PFKFB3: variants seen among roughly 807,000 people sequenced by gnomAD.
PFKFB3 encodes the protein 6-phosphofructo-2-kinase/fructose-2,6-bisphosphatase 3.
PFKFB3 carries 33 observed loss-of-function variants against 68.0 expected under a neutral mutation model. The observed-to-expected ratio is 0.49, with a 90% CI of 0.37 to 0.65. The LOEUF (loss-of-function observed/expected upper bound fraction) is 0.65, where lower values mean the gene tolerates loss of function less well. Ranked by LOEUF, PFKFB3 falls within the 30% of genes least tolerant of loss-of-function variation. PFKFB3 has a pLI of 0.00. For missense variants in PFKFB3, 586 were observed against 712.2 expected, an observed-to-expected ratio of 0.82 and a Z score of 2.02; for synonymous variants, 315 against 288.2, an observed-to-expected ratio of 1.09 and a Z score of -0.94.
rs993394734 is a variant in PFKFB3, at chr10:6,229,044, C to T, written c.1515+2679C>T. 1.4e-5 allele frequency: 7 copies of T among 490,268 alleles called. No homozygotes were observed. Among genetic ancestry groups the T allele is most frequent in the African/African-American group, 7.9e-5 (4 of 50,940 alleles). The allele number at this position is 490,268 out of a possible 1,614,324, so 30.4% of individuals were successfully genotyped here. On this transcript the variant is annotated intron_variant, in intron 14 of 14. Coordinates refer to ENST00000379775, the MANE Select transcript of PFKFB3 (RefSeq NM_004566.4). The surrounding 1 kb of genome is among the most constrained non-coding windows in gnomAD (Gnocchi z 4.3). ...CATGAAGTGTCATCCCCTTGCCCCC[C>T]CAAAAACACACCCGCCCCTTTATTT...
intron 1 of PFKFB3, among the ~76,000 whole-genome samples, chr10:6,162,651 T>G (rs895464983): frequency 6.6e-6 from 1 of 152,222 alleles, no homozygotes; most frequent in African/African-American, 2.4e-5. Flanking sequence ...TGACTGCATG[T>G]GTTAGAATCC....
At chr10:6,272,993 GA>G in the PFKFB3 span, among the ~76,000 whole-genome samples, 3 of 145,842 alleles carry the variant, frequency 2.1e-5, no homozygotes, top group African/African-American at 7.5e-5. Context: ...GTGGGGCTGA[GA>G]TTGCAGGCTT....
intron 14 of PFKFB3, among the ~76,000 whole-genome samples, chr10:6,230,120 A>G (rs1588542782): frequency 6.6e-6 from 1 of 152,156 alleles, no homozygotes; most frequent in East Asian, 1.9e-4. Flanking sequence ...GATCTTACCT[A>G]TCTCCAAGAT....
chr10:6,261,509 C>T, the PFKFB3 span, among the ~76,000 whole-genome samples: 1 of 152,194 alleles, frequency 6.6e-6, no homozygotes, highest in East Asian at 1.9e-4. Flanking sequence ...CAGGGAACTG[C>T]AGACACTGGG....
intron 1 of PFKFB3, among the ~76,000 whole-genome samples, chr10:6,172,207 C>G (rs1842336544): frequency 1.3e-5 from 2 of 152,224 alleles, no homozygotes; most frequent in Non-Finnish European, 2.9e-5. Context: ...CTTCTTGGTC[C>G]CATGGCTTCT....
At position 6,233,037 on chromosome 10, in the gene PFKFB3, C is replaced by T. The variant is rs751150752; in HGVS notation, c.*95C>T. On this transcript the variant is annotated 3_prime_UTR_variant, in exon 15 of 15. Transcript: ENST00000379775. ...CAAAACGTATCCTGAGGACTTCTTCCGGAGAGGGTGGGGTGGAGCAGCGGG... is the reference window on the plus strand; with the variant it reads ...CAAAACGTATCCTGAGGACTTCTTCTGGAGAGGGTGGGGTGGAGCAGCGGG... 3.6e-5 allele frequency: 35 copies of T among 974,220 alleles called. No individual in the cohort carries two copies. The highest frequency in any genetic ancestry group is 5.2e-5 in the Admixed American group (3 of 58,228). The allele number at this position is 974,220 out of a possible 1,614,324, so 60.3% of individuals were successfully genotyped here.
chr10:6,287,105 G>A, the PFKFB3 span, among the ~76,000 whole-genome samples: 1 of 151,966 alleles, frequency 6.6e-6, no homozygotes, highest in Non-Finnish European at 1.5e-5. Context: ...GTTTTGTTTT[G>A]TTTTGGAGCC....
At chr10:6,237,522 A>G (rs949317424), downstream of PFKFB3, among the ~76,000 whole-genome samples, 5 of 152,244 alleles carry the variant, frequency 3.3e-5, no homozygotes, top group Admixed American at 3.3e-4. Flanking sequence ...CAAAAATTCA[A>G]AGCCTTCTGT....
the PFKFB3 span, among the ~76,000 whole-genome samples, chr10:6,321,793 C>G: frequency 6.6e-6 from 1 of 152,162 alleles, no homozygotes; most frequent in African/African-American, 2.4e-5. Flanking sequence ...ACTGATGGCT[C>G]AACTCTATGT....
chr10:6,245,480 G>A (rs1453272798), intron 14 of PFKFB3, among the ~76,000 whole-genome samples: 2 of 151,676 alleles, frequency 1.3e-5, no homozygotes, highest in East Asian at 1.9e-4. Flanking sequence ...GCAGTGGTGC[G>A]ATCAGGGCTC....
intron 1 of PFKFB3, chr10:6,145,156 G>A (rs899268879): frequency 2.0e-5 from 11 of 556,820 alleles, no homozygotes; most frequent in African/African-American, 1.8e-4. Context: ...GGGGCCAAGC[G>A]AGACGCGCTC....
chr10:6,273,562 T>G, the PFKFB3 span, among the ~76,000 whole-genome samples: 2 of 152,202 alleles, frequency 1.3e-5, no homozygotes, highest in African/African-American at 2.4e-5. Flanking sequence ...GAGATTGGAC[T>G]GGAGTATGTT....
the PFKFB3 span, among the ~76,000 whole-genome samples, chr10:6,306,649 C>T: frequency 6.6e-6 from 1 of 152,224 alleles, no homozygotes; most frequent in Non-Finnish European, 1.5e-5. Flanking sequence ...AAGGAGATAA[C>T]ACCTTTACTC....
chr10:6,267,504 G>A, the PFKFB3 span, among the ~76,000 whole-genome samples: 7 of 152,126 alleles, frequency 4.6e-5, no homozygotes, highest in Non-Finnish European at 7.4e-5. Context: ...GTCAGGGCAA[G>A]TTCTGGGTCA....
intron 1 of PFKFB3, among the ~76,000 whole-genome samples, chr10:6,168,835 T>C (rs555028815): frequency 1.3e-5 from 2 of 152,322 alleles, no homozygotes; most frequent in South Asian, 4.1e-4. Context: ...GCAGCCCCAG[T>C]GGTCTGACTT....
chr10:6,177,408 C>CTTTCTTTCTTTCT (rs1454122984), intron 1 of PFKFB3, among the ~76,000 whole-genome samples: 2 of 52,544 alleles, frequency 3.8e-5, no homozygotes, highest in African/African-American at 5.8e-5. Flanking sequence ...TTCTTTCTTT[C>CTTTCTTTCTTTCT]TTCTTTCTCT....
chr10:6,150,282 T>C (rs779144804), intron 1 of PFKFB3, among the ~76,000 whole-genome samples: 14 of 152,256 alleles, frequency 9.2e-5, no homozygotes, highest in Non-Finnish European at 1.9e-4. Flanking sequence ...TCTACTTGGT[T>C]AATCTGTCAT....
chr10:6,307,510 TTTCC>T, the PFKFB3 span, among the ~76,000 whole-genome samples: 17,239 of 116,146 alleles, frequency 0.15, 1,390 homozygotes, highest in Middle Eastern at 0.26. Context: ...TCCTTCTCTT[TTTCC>T]TTCCTTCCTT....
At chr10:6,201,507 C>T (rs1280432462), upstream of PFKFB3, among the ~76,000 whole-genome samples, 1 of 138,522 alleles carries the variant, frequency 7.2e-6, no homozygotes, top group Non-Finnish European at 1.5e-5. This position sits in a 1 kb window ranked among gnomAD's most constrained non-coding sequence, Gnocchi z 4.1. Context: ...GCCAGGTGGC[C>T]GATGTTGCGC....
Sources: allele counts gnomAD v4.1 joint callset (sites outside exome capture counted in the v4.1 genomes callset), GRCh38; gene constraint gnomAD v4.1.1; non-coding constraint Gnocchi (gnomAD v3.1); transcripts MANE v1.5; gene names NCBI Gene and HGNC (gene_info 2026-07-23, HGNC 2026-07-21).